Variants in SVEP1 observed in about 807,000 individuals in gnomAD.
SVEP1 encodes the protein sushi, von Willebrand factor type A, EGF and pentraxin domain-containing protein 1.
In SVEP1, 164 loss-of-function variants were observed where a neutral mutation model predicts 367.3. The ratio of observed to expected loss-of-function variants is 0.45; its 90% confidence interval spans 0.39 to 0.51. SVEP1 has a LOEUF of 0.51. Among genes scored for constraint, SVEP1 ranks in the 20% least tolerant of loss-of-function variants. SVEP1 has a pLI of 0.00. For missense variants in SVEP1, 4,117 were observed against 4,425.3 expected, an observed-to-expected ratio of 0.93 and a Z score of 1.98; for synonymous variants, 1,666 against 1,611.6, an observed-to-expected ratio of 1.03 and a Z score of -0.81.
rs764460775 is a variant in SVEP1, at chr9:110,411,153, G to T, written c.6558C>A (p.Cys2186Ter). The T allele has an allele frequency of 1.2e-6, 2 of 1,613,930 alleles. No individual in the cohort carries two copies. The highest frequency in any genetic ancestry group is 2.2e-5 in the South Asian group (2 of 91,052). The stretch of plus-strand genomic sequence containing the variant: ...GACTACTCCACTGCCCTGTGGCTTC[G>T]CAGGTGCTCTTCTTTTCCCCTTTGA... ...FYIKGEKKST[C>*]EATGQWSSPI... The change falls in exon 37 of 48, where the codon TGC (cysteine) becomes TGA (stop). Residue 2186 changes from cysteine to a stop codon, truncating the protein, a stop_gained. Coordinates refer to ENST00000374469, the MANE Select transcript of SVEP1 (RefSeq NM_153366.4). LOFTEE classifies it high-confidence loss of function.
At chr9:110,507,491 G>C (rs1829642597) in intron 5 of SVEP1, among the ~76,000 whole-genome samples, 1 of 152,092 alleles carries the variant, frequency 6.6e-6, no homozygotes, top group South Asian at 2.1e-4. Context: ...TAAAAGTTTA[G>C]GATCCATTAC....
intron 1 of SVEP1, among the ~76,000 whole-genome samples, chr9:110,576,225 TCTCA>T (rs1830625320): frequency 7.3e-6 from 1 of 136,096 alleles, no homozygotes; most frequent in Non-Finnish European, 1.6e-5. Context: ...TAATAGGTAG[TCTCA>T]CACACACACA....
rs369147381 is a variant in SVEP1 at position 110,429,922 on chromosome 9, A to G, written c.5613T>C (p.Tyr1871=). ...LAFTFGSKVT[Y]RCNKGYTLAG... Reference sequence around the variant, plus strand: ...TAGTTTTAATCTTAGATACTTACCTATATGTCACTTTGCTGCCAAAAGTAA... The same window carrying G: ...TAGTTTTAATCTTAGATACTTACCTGTATGTCACTTTGCTGCCAAAAGTAA... Residue 1871 remains tyrosine, a splice_region_variant and synonymous_variant, in exon 34 of 48, where the codon TAT becomes TAC. Coordinates refer to ENST00000374469, the MANE Select transcript of SVEP1 (RefSeq NM_153366.4). 1.6e-5 allele frequency: 25 copies of G among 1,612,166 alleles called. No homozygotes were observed. The African/African-American group carries it at 1.7e-4, about 11-fold the overall frequency.
chr9:110,406,925 G>A lies in SVEP1; in HGVS notation c.8675C>T (p.Ala2892Val), dbSNP rs1405840958. ...ATPDCVPVRC[A>V]TPPQLANGVT... ...CCCATTGGCCAGTTGTGGCGGGGTG[G>A]CACATCTGACAGGCACACAGTCGGG... is the stretch of plus-strand genomic sequence containing the variant. Residue 2892 changes from alanine (A) to valine (V), a missense_variant, in exon 38 of 48, where the codon GCC (alanine) becomes GTC (valine). Transcript: ENST00000374469. The A allele has an allele frequency of 4.3e-6, 7 of 1,613,766 alleles. No individual in the cohort carries two copies. The highest frequency in any genetic ancestry group is 3.3e-4 in the Middle Eastern group (2 of 6,060).
At chr9:110,538,826 C>T (rs1181310290) in intron 3 of SVEP1, among the ~76,000 whole-genome samples, 1 of 152,068 alleles carries the variant, frequency 6.6e-6, no homozygotes, top group African/African-American at 2.4e-5. Flanking sequence ...ACAGCTGCAA[C>T]TGCTTGGATT....
chr9:110,565,522 C>A (rs965039924), intron 1 of SVEP1, among the ~76,000 whole-genome samples: 1 of 152,134 alleles, frequency 6.6e-6, no homozygotes, highest in Non-Finnish European at 1.5e-5. Context: ...GTGGCTTGGT[C>A]TCTGCAAGGA....
intron 25 of SVEP1, 65 bp downstream of exon 25, chr9:110,446,835 T>G: frequency 1.5e-6 from 2 of 1,369,204 alleles, no homozygotes; most frequent in Non-Finnish European, 1.9e-6. Context: ...CAGGCAAAAT[T>G]GGTATTATTG....
Position 110,411,186 on chromosome 9 carries a change from C to G in SVEP1, c.6525G>C (p.Gly2175=). The G allele has an allele frequency of 6.2e-7, 1 of 1,614,026 alleles. No homozygotes were observed. ...GAMVAYSCNK[G]FYIKGEKKST... ...TCTTCTTTTCCCCTTTGATGTAGAACCCCTTGTTGCAGCTGTAAGCCACCA... is the reference window on the plus strand; with the variant it reads ...TCTTCTTTTCCCCTTTGATGTAGAAGCCCTTGTTGCAGCTGTAAGCCACCA... The change falls in exon 37 of 48, where the codon GGG becomes GGC. Residue 2175 remains glycine, a synonymous_variant. Transcript: ENST00000374469.
intron 5 of SVEP1, among the ~76,000 whole-genome samples, chr9:110,508,049 A>T (rs1409632126): frequency 6.6e-6 from 1 of 152,262 alleles, no homozygotes; most frequent in East Asian, 1.9e-4. Flanking sequence ...CTCAAGAATG[A>T]ACACTTAATA....
rs374776043 is a variant in SVEP1 at position 110,407,228 on chromosome 9, T to C, written c.8372A>G (p.Tyr2791Cys). The C allele has an allele frequency of 6.2e-7, 1 of 1,613,968 alleles. No homozygotes were observed. The highest frequency in any genetic ancestry group is 1.3e-5 in the African/African-American group (1 of 75,042). Residue 2791 changes from tyrosine (Y) to cysteine (C), a missense_variant, in exon 38 of 48, where the codon TAC becomes TGC. Physicochemically the swap from Tyr to Cys is radical, Grantham distance 194. Around this residue, in one of 4 missense-constraint regions of SVEP1, gnomAD observed 1,765 missense variants for 1,781.1 expected, o/e 0.99. Transcript: ENST00000374469. ...VMNGSIKGSN[Y>C]TYLSTLYYEC... is the part of the protein sequence containing the mutation. ...ATAGTACAACGTGCTCAGGTATGTGTAGTTGCTTCCTTTGATGGATCCATT... is the reference window on the plus strand; with the variant it reads ...ATAGTACAACGTGCTCAGGTATGTGCAGTTGCTTCCTTTGATGGATCCATT...
At chr9:110,395,944 C>T (rs1278425780) in intron 40 of SVEP1, among the ~76,000 whole-genome samples, 6 of 150,336 alleles carry the variant, frequency 4.0e-5, no homozygotes, top group Non-Finnish European at 6.0e-5. Flanking sequence ...GACAGATCAA[C>T]GAGACAGAAA....
At chr9:110,572,049 C>T (rs974127304) in intron 1 of SVEP1, among the ~76,000 whole-genome samples, 1 of 152,144 alleles carries the variant, frequency 6.6e-6, no homozygotes, top group Non-Finnish European at 1.5e-5. Flanking sequence ...CAACACTGGA[C>T]ATGGAATCCC....
At chr9:110,377,697 T>C (rs1827369386) in intron 44 of SVEP1, among the ~76,000 whole-genome samples, 1 of 152,216 alleles carries the variant, frequency 6.6e-6, no homozygotes, top group Non-Finnish European at 1.5e-5. Context: ...CTCACATAGT[T>C]ATTGTTTTCT....
chr9:110,571,845 A>G (rs1830566876), intron 1 of SVEP1, among the ~76,000 whole-genome samples: 1 of 152,222 alleles, frequency 6.6e-6, no homozygotes. Context: ...CAGAATTGCT[A>G]CAATTTGCTA....
At chr9:110,469,533 G>C (rs1828985712) in intron 16 of SVEP1, among the ~76,000 whole-genome samples, 1 of 152,274 alleles carries the variant, frequency 6.6e-6, no homozygotes, top group African/African-American at 2.4e-5. Context: ...CATTGAAACT[G>C]ACTGCTTGTC....
rs75896122 is a variant in SVEP1 at position 110,376,953 on chromosome 9, T to C, written c.10504+318A>G. ...CTGCAGCAATGACTGACATAGCACA[T>C]AGTAGACCTTGAGTTAAGGGAAGAG... On this transcript the variant is annotated intron_variant, in intron 45 of 47. Coordinates refer to ENST00000374469, the MANE Select transcript of SVEP1 (RefSeq NM_153366.4). 1,310 of 224,272 alleles carry C rather than the reference T, an allele frequency of 5.8e-3. 18 individuals carry two copies. The highest frequency in any genetic ancestry group is 0.027 in the African/African-American group (1,212 of 45,204). The allele number at this position is 224,272 out of a possible 1,614,324, so 13.9% of individuals were successfully genotyped here.
intron 17 of SVEP1, among the ~76,000 whole-genome samples, chr9:110,467,420 G>C (rs1036259059): frequency 6.6e-6 from 1 of 152,118 alleles, no homozygotes; most frequent in African/African-American, 2.4e-5. Context: ...ACAGAATCCA[G>C]CTGATAGATA....
chr9:110,511,487 C>CATTTTTTTTTTT (rs1564163441), intron 5 of SVEP1, among the ~76,000 whole-genome samples: 1 of 69,538 alleles, frequency 1.4e-5, no homozygotes. Flanking sequence ...TGTGTCAGTA[C>CATTTTTTTTTTT]CTTTTTTTTT....
intron 3 of SVEP1, among the ~76,000 whole-genome samples, chr9:110,520,205 G>GGA (rs1410231433): frequency 6.6e-6 from 1 of 152,072 alleles, no homozygotes; most frequent in African/African-American, 2.4e-5. Context: ...ACAGACTTTA[G>GGA]GAGAACTATT....
Sources: gnomAD v4.1 joint callset for allele counts (sites outside exome capture counted in the v4.1 genomes callset) on GRCh38, gnomAD v4.1.1 for gene constraint, gnomAD v4.1.1 regional missense constraint, MANE v1.5 for transcripts, NCBI Gene and HGNC (gene_info 2026-07-23, HGNC 2026-07-21) for gene names.